Variants in SNRPA observed in about 807,000 individuals in gnomAD.
SNRPA encodes the protein small nuclear ribonucleoprotein polypeptide A.
Under a neutral mutation model 24.5 loss-of-function variants are expected in SNRPA, and 10 were observed. The ratio of observed to expected loss-of-function variants is 0.41; its 90% CI spans 0.25 to 0.69. The LOEUF (loss-of-function observed/expected upper bound fraction) is 0.69, where lower values mean the gene tolerates loss of function less well. Among genes scored for constraint, SNRPA ranks in the 30% least tolerant of loss-of-function variants. The pLI is 0.33. For synonymous variants in SNRPA, 165 were observed against 148.4 expected (o/e 1.11, Z -0.81); for missense variants, 283 against 394.7 (o/e 0.72, Z 2.40).
At chr19:40,753,097 G>A (rs148539822) in intron 1 of SNRPA, among the ~76,000 whole-genome samples, 147 of 152,296 alleles carry the variant, frequency 9.7e-4, no homozygotes, top group African/African-American at 3.4e-3. Flanking sequence ...GCTCACGCCT[G>A]TAATCTCAGC....
At chr19:40,751,554 C>T in intron 1 of SNRPA, 73 bp downstream of exon 1, 1 of 1,090,224 alleles carries the variant, frequency 9.2e-7, no homozygotes, top group East Asian at 2.4e-5. Flanking sequence ...CCTGCACCCG[C>T]CTCTCTTTCT....
chr19:40,755,456 C>T (rs2082905079), intron 1 of SNRPA, among the ~76,000 whole-genome samples: 2 of 151,840 alleles, frequency 1.3e-5, no homozygotes, highest in African/African-American at 4.8e-5. Context: ...CTCACTGCAA[C>T]CTCTGCCTCC....
chr19:40,756,858 A>T (rs1484075804), intron 1 of SNRPA, among the ~76,000 whole-genome samples: 1 of 152,084 alleles, frequency 6.6e-6, no homozygotes, highest in African/African-American at 2.4e-5. Context: ...CAGGGGAGGG[A>T]TGTTCCAGGT....
Position 40,751,393 on chromosome 19 carries a change from C to G in SNRPA, c.-16C>G. The stretch of plus-strand genomic sequence containing the variant: ...ACGTTTTTCCTCCTTTAAGACTTAC[C>G]TCAACACTTCACTCCATGGCAGTTC... On this transcript the variant is annotated 5_prime_UTR_variant, in exon 1 of 6. Coordinates refer to ENST00000243563, the MANE Select transcript of SNRPA (RefSeq NM_004596.5). 1 of 1,603,576 alleles carries G rather than the reference C, an allele frequency of 6.2e-7. No individual in the cohort carries two copies. Among genetic ancestry groups the G allele is most frequent in the Non-Finnish European group, 8.5e-7 (1 of 1,170,484 alleles).
chr19:40,756,959 A>C, intron 1 of SNRPA: 1 of 245,412 alleles, frequency 4.1e-6, no homozygotes, highest in Non-Finnish European at 8.1e-6. Context: ...GGGCGGTGGA[A>C]TGTGGGCAGG....
intron 1 of SNRPA, chr19:40,757,010 C>A (rs999527566): frequency 6.5e-6 from 2 of 308,578 alleles, no homozygotes; most frequent in Non-Finnish European, 1.2e-5. Context: ...GTCATGCAGG[C>A]CCATGTCAGG....
intron 1 of SNRPA, among the ~76,000 whole-genome samples, chr19:40,755,738 A>C (rs894026735): frequency 1.3e-5 from 2 of 152,100 alleles, no homozygotes; most frequent in African/African-American, 4.8e-5. Context: ...GGTGAGAGGG[A>C]GTCCATCCTT....
chr19:40,752,793 ACTCT>A (rs2082888275), intron 1 of SNRPA, among the ~76,000 whole-genome samples: 1 of 151,630 alleles, frequency 6.6e-6, no homozygotes, highest in African/African-American at 2.4e-5. Flanking sequence ...AATCGGAAAG[ACTCT>A]CTCACATTCT....
intron 1 of SNRPA, among the ~76,000 whole-genome samples, chr19:40,755,233 C>T (rs931362447): frequency 5.3e-5 from 8 of 150,002 alleles, no homozygotes; most frequent in African/African-American, 2.0e-4. Flanking sequence ...CCCTCCACCA[C>T]GCCTAGCTAA....
rs753924013 is a variant in SNRPA at position 40,757,321 on chromosome 19, C to T, written c.74-11C>T. The T allele has an allele frequency of 1.9e-6, 3 of 1,612,536 alleles. No individual in the cohort carries two copies. In the Admixed American group the frequency reaches 5.0e-5, roughly 27 times the overall value. ...AGGGGAGCTCAAAGGTCTTTTTTTCCCCCACTGCAGAGCTAAAAAAGTCCC... is the reference window on the plus strand; with the variant it reads ...AGGGGAGCTCAAAGGTCTTTTTTTCTCCCACTGCAGAGCTAAAAAAGTCCC... On this transcript the variant is annotated splice_polypyrimidine_tract_variant and intron_variant, in intron 1 of 5. Coordinates refer to ENST00000243563, the MANE Select transcript of SNRPA (RefSeq NM_004596.5).
Position 40,762,930 on chromosome 19 carries a change from C to T in SNRPA, c.456C>T (p.Arg152=). 1.2e-6 allele frequency: 2 copies of T among 1,613,910 alleles called. No homozygotes were observed. Among genetic ancestry groups the T allele is most frequent in the South Asian group, 1.1e-5 (1 of 91,072 alleles). The part of the protein sequence containing the change: ...PGMPPMTQAP[R]IMHHMPGQPP... ...TGCCGCCGATGACTCAGGCGCCCCG[C>T]ATTATGCACCACATGCCGGGCCAGC... Residue 152 remains arginine, a synonymous_variant, in exon 4 of 6, where the codon CGC becomes CGT. Transcript: ENST00000243563.
chr19:40,752,407 A>G (rs910839869), intron 1 of SNRPA, among the ~76,000 whole-genome samples: 1 of 150,722 alleles, frequency 6.6e-6, no homozygotes, highest in African/African-American at 2.4e-5. Flanking sequence ...GTCACATAGC[A>G]AGTAAAGTGG....
chr19:40,757,950 T>A (rs1003034076), intron 2 of SNRPA, among the ~76,000 whole-genome samples: 124 of 149,402 alleles, frequency 8.3e-4, no homozygotes, highest in African/African-American at 2.8e-3. Context: ...TCAGAAAAAA[T>A]AAATAAATAA....
chr19:40,759,697 C>T (rs1400124910), intron 3 of SNRPA, 87 bp downstream of exon 3: 1 of 1,264,606 alleles, frequency 7.9e-7, no homozygotes, highest in East Asian at 2.5e-5. Context: ...GGGGAGAGTT[C>T]TCCCCTTGGG....
intron 1 of SNRPA, among the ~76,000 whole-genome samples, chr19:40,756,818 G>A (rs2082910506): frequency 6.6e-6 from 1 of 152,114 alleles, no homozygotes; most frequent in Admixed American, 6.6e-5. Flanking sequence ...CTGAGACTGG[G>A]TGACTAGAAG....
intron 3 of SNRPA, among the ~76,000 whole-genome samples, chr19:40,760,413 A>G (rs1286878968): frequency 6.6e-6 from 1 of 152,228 alleles, no homozygotes; most frequent in Non-Finnish European, 1.5e-5. Context: ...CACTGAAATC[A>G]CAGAATGTAG....
chr19:40,756,949 G>A, intron 1 of SNRPA: 2 of 244,492 alleles, frequency 8.2e-6, no homozygotes, highest in South Asian at 8.2e-5. Context: ...GAACTCAGGA[G>A]GGCGGTGGAA....
At chr19:40,757,024 C>T in intron 1 of SNRPA, 4 of 327,086 alleles carry the variant, frequency 1.2e-5, no homozygotes, top group Non-Finnish European at 2.3e-5. Flanking sequence ...TGTCAGGGTG[C>T]TGGTGGCAGT....
intron 5 of SNRPA, among the ~76,000 whole-genome samples, chr19:40,764,436 T>C (rs919460293): frequency 6.6e-6 from 1 of 152,022 alleles, no homozygotes; most frequent in Admixed American, 6.6e-5. Context: ...AGAATGCCGA[T>C]GGAAAAAAGG....
Sources: allele counts gnomAD v4.1 joint callset (sites outside exome capture counted in the v4.1 genomes callset), GRCh38; gene constraint gnomAD v4.1.1; transcripts MANE v1.5; gene names NCBI Gene and HGNC (gene_info 2026-07-23, HGNC 2026-07-21).